Variants in LIMK2 observed in about 807,000 individuals in gnomAD.
LIMK2 encodes LIM domain kinase 2.
In LIMK2, 35 loss-of-function variants were observed where a neutral mutation model predicts 75.7. The ratio of observed to expected loss-of-function variants is 0.46; its 90% CI spans 0.35 to 0.61. The LOEUF is 0.61. LIMK2 is among the 20% of genes least tolerant of loss of function. The pLI is 0.00. For missense variants in LIMK2, 623 were observed against 831.0 expected (o/e 0.75, Z 3.08); for synonymous variants, 301 against 319.2 (o/e 0.94, Z 0.61).
chr22:31,226,483 G>A (rs1179002771), intron 2 of LIMK2, among the ~76,000 whole-genome samples: 1 of 152,236 alleles, frequency 6.6e-6, no homozygotes, highest in Non-Finnish European at 1.5e-5. Flanking sequence ...AATCACAGGC[G>A]TGAACCACTG....
chr22:31,218,385 C>T (rs1359737724), intron 1 of LIMK2, among the ~76,000 whole-genome samples: 1 of 152,228 alleles, frequency 6.6e-6, no homozygotes, highest in Non-Finnish European at 1.5e-5. Flanking sequence ...TCTGAGATAC[C>T]TGTGTCTGTG....
At chr22:31,268,510 G>C (rs16989459) in intron 11 of LIMK2, among the ~76,000 whole-genome samples, 10,042 of 152,258 alleles carry the variant, frequency 0.066, 420 homozygotes, top group Admixed American at 0.16. Flanking sequence ...AGGGCCCTTA[G>C]ACCAACTAGA....
At position 31,270,472 on chromosome 22, in the gene LIMK2, G is replaced by T. The variant is rs7285189; in HGVS notation, c.1318-664G>T. Among the ~76,000 whole-genome samples, 1,480 of 152,304 alleles carry T rather than the reference G, an allele frequency of 9.7e-3. 32 individuals carry two copies. Among genetic ancestry groups the T allele is most frequent in the African/African-American group, 0.034 (1,430 of 41,552 alleles). On this transcript the variant is annotated intron_variant, in intron 11 of 15. Coordinates refer to ENST00000331728, the MANE Select transcript of LIMK2 (RefSeq NM_005569.4). ...GAGCCTAAGGGATGAAAGTAGTATT[G>T]CAGGGGGCTGGAGAGCAAGGAGTGG...
intron 2 of LIMK2, among the ~76,000 whole-genome samples, chr22:31,253,457 AC>A (rs2123824157): frequency 6.6e-6 from 1 of 152,352 alleles, no homozygotes; most frequent in Admixed American, 6.5e-5. Context: ...GGAATTGAAC[AC>A]TGTGAAGTAT....
chr22:31,239,414 G>T, intron 2 of LIMK2, among the ~76,000 whole-genome samples: 1 of 152,302 alleles, frequency 6.6e-6, no homozygotes, highest in South Asian at 2.1e-4. Flanking sequence ...ATGCACTAGA[G>T]CTTACAGACC....
At chr22:31,270,304 A>AG (rs1162229164) in intron 11 of LIMK2, among the ~76,000 whole-genome samples, 1 of 152,174 alleles carries the variant, frequency 6.6e-6, no homozygotes. Flanking sequence ...GAAGAAAAAA[A>AG]CAGACACACA....
At chr22:31,249,034 C>G (rs1405050736) in intron 2 of LIMK2, among the ~76,000 whole-genome samples, 4 of 152,320 alleles carry the variant, frequency 2.6e-5, no homozygotes, top group African/African-American at 9.6e-5. Context: ...GAAGGAGCCT[C>G]CAAAAGATGC....
rs2049059229 is a variant in LIMK2 at position 31,278,946 on chromosome 22, T to G, written c.*505T>G. 1 of 152,536 alleles carries G rather than the reference T, an allele frequency of 6.6e-6. No homozygotes were observed. Among genetic ancestry groups the G allele is most frequent in the Non-Finnish European group, 1.5e-5 (1 of 68,250 alleles). 9.4% of individuals were successfully genotyped at this position (152,536 alleles called of 1,614,324 possible). A position where few individuals can be genotyped will look rare whatever the true frequency, so the allele number is the denominator to read the frequency against. ...AAAAGTCAGTGATGCTCCCCCTTTC[T>G]ACTCCAGATCCTGTCCTTCCTGGAG... On this transcript the variant is annotated 3_prime_UTR_variant, in exon 16 of 16. Transcript: ENST00000331728.
chr22:31,266,224 A>C, intron 8 of LIMK2, 92 bp downstream of exon 8: 1 of 1,281,282 alleles, frequency 7.8e-7, no homozygotes, highest in Non-Finnish European at 1.1e-6. Context: ...CCCACCCCAC[A>C]CCATGCAGGA....
chr22:31,243,822 G>C (rs1350884480), intron 2 of LIMK2, among the ~76,000 whole-genome samples: 1 of 152,228 alleles, frequency 6.6e-6, no homozygotes, highest in Non-Finnish European at 1.5e-5. Context: ...ATATCCTCCA[G>C]TGTGACATTT....
intron 11 of LIMK2, among the ~76,000 whole-genome samples, chr22:31,269,827 G>C (rs544106226): frequency 1.3e-5 from 2 of 152,168 alleles, no homozygotes; most frequent in South Asian, 4.2e-4. Flanking sequence ...GTGGAATGCG[G>C]AGGGTCCAGG....
At chr22:31,261,256 T>C (rs1158012193) in intron 5 of LIMK2, among the ~76,000 whole-genome samples, 1 of 151,272 alleles carries the variant, frequency 6.6e-6, no homozygotes, top group African/African-American at 2.4e-5. Context: ...AGGTCAAGAG[T>C]TTGGGATTAG....
chr22:31,250,407 T>C (rs932814841), intron 2 of LIMK2, among the ~76,000 whole-genome samples: 13 of 152,120 alleles, frequency 8.5e-5, no homozygotes, highest in African/African-American at 3.1e-4. Flanking sequence ...GATAGTGAAC[T>C]CTCAACCTGA....
At chr22:31,216,986 A>C (rs1425678595) in intron 1 of LIMK2, among the ~76,000 whole-genome samples, 2 of 152,226 alleles carry the variant, frequency 1.3e-5, no homozygotes, top group Non-Finnish European at 2.9e-5. Context: ...TAACTAGAAC[A>C]TGAAACCAAT....
rs182033322 is a variant in LIMK2, at chr22:31,244,087, C to T, written c.117-14204C>T. On this transcript the variant is annotated intron_variant, in intron 2 of 15. Transcript: ENST00000331728. ...GCATTGAGATGTCCTCTCACTTATT[C>T]CCCACCCACCCACCAAGTCCTTTGT... Among the ~76,000 whole-genome samples, 12 of 152,260 alleles carry T rather than the reference C, an allele frequency of 7.9e-5. No individual in the cohort carries two copies. In the East Asian group the frequency reaches 2.1e-3, roughly 27 times the overall value.
chr22:31,266,180 G>A (rs1318624428), intron 8 of LIMK2, 48 bp downstream of exon 8: 6 of 1,581,376 alleles, frequency 3.8e-6, no homozygotes, highest in Non-Finnish European at 2.6e-6. Flanking sequence ...CAGTCCCTCT[G>A]TCACTGTCTT....
intron 2 of LIMK2, among the ~76,000 whole-genome samples, chr22:31,238,114 CAAAA>C (rs34428618): frequency 1.2e-5 from 1 of 80,564 alleles, no homozygotes; most frequent in Non-Finnish European, 2.8e-5. Flanking sequence ...GACACTGTCT[CAAAA>C]AAAAAAAAAA....
At chr22:31,260,134 C>T in intron 5 of LIMK2, 57 bp downstream of exon 5, 2 of 1,409,862 alleles carry the variant, frequency 1.4e-6, no homozygotes, top group Non-Finnish European at 1.9e-6. Flanking sequence ...GTAAATGGGC[C>T]TCAGAGGGCT....
intron 1 of LIMK2, among the ~76,000 whole-genome samples, chr22:31,223,889 C>T (rs1568982908): frequency 6.6e-6 from 1 of 152,184 alleles, no homozygotes; most frequent in East Asian, 1.9e-4. Flanking sequence ...GGCCTCTTGC[C>T]AGCTTGTTTA....
Sources: gnomAD v4.1 joint callset for allele counts (sites outside exome capture counted in the v4.1 genomes callset) on GRCh38, gnomAD v4.1.1 for gene constraint, MANE v1.5 for transcripts, NCBI Gene and HGNC (gene_info 2026-07-23, HGNC 2026-07-21) for gene names.